FAM151B: variants seen among roughly 807,000 people sequenced by gnomAD.
FAM151B encodes the protein protein FAM151B.
FAM151B carries 24 observed loss-of-function variants against 31.2 expected under a neutral mutation model. That is an observed-to-expected ratio of 0.77 (90% CI 0.56 to 1.08). FAM151B has a LOEUF of 1.08. Among genes scored for constraint, FAM151B ranks in the 50% least tolerant of loss-of-function variants. The pLI is 0.00. For missense variants in FAM151B, 293 were observed against 328.6 expected (o/e 0.89, Z 0.84); for synonymous variants, 105 against 111.4 (o/e 0.94, Z 0.36).
At chr5:80,528,652 G>GA (rs549972215) in intron 5 of FAM151B, among the ~76,000 whole-genome samples, 252 of 152,072 alleles carry the variant, frequency 1.7e-3, no homozygotes, top group Middle Eastern at 3.4e-3. Flanking sequence ...AGCTGCTTGG[G>GA]AGGCTGAGGT....
At chr5:80,494,025 T>A (rs13154552) in intron 1 of FAM151B, among the ~76,000 whole-genome samples, 1 of 152,248 alleles carries the variant, frequency 6.6e-6, no homozygotes, top group Non-Finnish European at 1.5e-5. Flanking sequence ...TCTCTCTTTG[T>A]ACTCTTTCTC....
At chr5:80,504,679 C>A (rs1184651596) in intron 2 of FAM151B, among the ~76,000 whole-genome samples, 1 of 151,832 alleles carries the variant, frequency 6.6e-6, no homozygotes, top group Non-Finnish European at 1.5e-5. Context: ...GCCACCATGC[C>A]CAGCTAATTT....
chr5:80,496,799 ATTTTTTTTTTTTT>A (rs367658683), intron 1 of FAM151B, among the ~76,000 whole-genome samples: 10 of 57,762 alleles, frequency 1.7e-4, no homozygotes, highest in East Asian at 1.3e-3. Context: ...TTTTTGCTTA[ATTTTTTTTTTTTT>A]TTTTTTTTTT....
intron 1 of FAM151B, among the ~76,000 whole-genome samples, chr5:80,489,338 C>T (rs1354006139): frequency 6.6e-6 from 1 of 152,076 alleles, no homozygotes; most frequent in African/African-American, 2.4e-5. Flanking sequence ...ACTTTTTTCT[C>T]TCTCTCTTTT....
At chr5:80,505,918 G>A (rs771353732) in intron 2 of FAM151B, 18 of 177,426 alleles carry the variant, frequency 1.0e-4, no homozygotes, top group South Asian at 3.8e-4. Flanking sequence ...CACCACACCC[G>A]GCTAATTTTT....
At chr5:80,495,606 G>A (rs1017321683) in intron 1 of FAM151B, among the ~76,000 whole-genome samples, 15 of 152,070 alleles carry the variant, frequency 9.9e-5, no homozygotes, top group Admixed American at 2.0e-4. Context: ...TGAGGCAGGC[G>A]GATCATGAGG....
chr5:80,534,605 C>A (rs1340414791), intron 5 of FAM151B, among the ~76,000 whole-genome samples: 1 of 152,148 alleles, frequency 6.6e-6, no homozygotes, highest in Non-Finnish European at 1.5e-5. Context: ...AAGGAGCATG[C>A]CTCAACGTAA....
At chr5:80,504,754 C>G (rs1054620916) in intron 2 of FAM151B, among the ~76,000 whole-genome samples, 4 of 152,000 alleles carry the variant, frequency 2.6e-5, no homozygotes, top group Admixed American at 1.3e-4. Flanking sequence ...TCCTGATCTC[C>G]TGATCTGCCC....
At chr5:80,514,814 A>G (rs920021379) in intron 3 of FAM151B, among the ~76,000 whole-genome samples, 3 of 152,178 alleles carry the variant, frequency 2.0e-5, no homozygotes, top group African/African-American at 7.2e-5. Context: ...GACTCTAACC[A>G]TTTGTTATGG....
In FAM151B at chr5:80,527,988, T is replaced by C. The variant is rs528947507; in HGVS notation, c.671+5850T>C. Among the ~76,000 whole-genome samples, 5 of 152,330 alleles carry C rather than the reference T, an allele frequency of 3.3e-5. No homozygotes were observed. In the East Asian group the frequency reaches 9.6e-4, roughly 29 times the overall value. On this transcript the variant is annotated intron_variant, in intron 5 of 5. Transcript: ENST00000282226. ...GCTGTACAAAAATATTTCCTTTCTT[T>C]ATATCCTATTCTATAAGCTTTTTTC...
intron 5 of FAM151B, among the ~76,000 whole-genome samples, chr5:80,538,518 T>G (rs1745698931): frequency 2.7e-5 from 1 of 36,388 alleles, no homozygotes; most frequent in Non-Finnish European, 4.9e-5. Flanking sequence ...CTTTCTTTCC[T>G]TCCTTCCTTC....
At chr5:80,495,031 T>A (rs934596847) in intron 1 of FAM151B, 1 of 152,246 alleles carries the variant, frequency 6.6e-6, no homozygotes, top group Non-Finnish European at 1.5e-5. Flanking sequence ...ATGCTACATC[T>A]ACTTCTCTGC....
At chr5:80,505,641 G>T (rs893113297) in intron 2 of FAM151B, among the ~76,000 whole-genome samples, 1 of 151,260 alleles carries the variant, frequency 6.6e-6, no homozygotes, top group African/African-American at 2.4e-5. Flanking sequence ...TGATCTGCCC[G>T]CCTCGGCCTC....
At chr5:80,508,311 C>T (rs249007) in intron 2 of FAM151B, among the ~76,000 whole-genome samples, 61,596 of 152,004 alleles carry the variant, frequency 0.41, 14,010 homozygotes, top group African/African-American at 0.63. Flanking sequence ...TCCTGGGTCA[C>T]ATGGTAACTA....
At chr5:80,511,252 A>G (rs1307638623) in intron 2 of FAM151B, among the ~76,000 whole-genome samples, 2 of 151,994 alleles carry the variant, frequency 1.3e-5, no homozygotes, top group Admixed American at 1.3e-4. Flanking sequence ...TGAGAGAATC[A>G]TTTGAGTCCA....
At chr5:80,530,438 G>T (rs1167912418) in intron 5 of FAM151B, among the ~76,000 whole-genome samples, 1 of 152,150 alleles carries the variant, frequency 6.6e-6, no homozygotes, top group Non-Finnish European at 1.5e-5. Context: ...AAAAGAGGAA[G>T]TCAAATTGTC....
intron 1 of FAM151B, among the ~76,000 whole-genome samples, chr5:80,490,024 A>ACACACACACACACG (rs1163549900): frequency 6.8e-6 from 1 of 147,436 alleles, no homozygotes. Context: ...CCCCTTACAC[A>ACACACACACACACG]CACACACACA....
chr5:80,525,973 T>C (rs1221569449), intron 5 of FAM151B, among the ~76,000 whole-genome samples: 1 of 152,098 alleles, frequency 6.6e-6, no homozygotes, highest in African/African-American at 2.4e-5. Context: ...TGTGTATATA[T>C]ATATAAAATG....
chr5:80,522,264 T>A lies in FAM151B; in HGVS notation c.671+126T>A, dbSNP rs530587381. On this transcript the variant is annotated intron_variant, in intron 5 of 5. Coordinates refer to ENST00000282226, the MANE Select transcript of FAM151B (RefSeq NM_205548.3). ...AGGTAGACAGAAAAGGAATGAAAAC[T>A]GATGATATAAGCGCACAGACTCCCT... The A allele has an allele frequency of 8.8e-6, 9 of 1,019,996 alleles. No homozygotes were observed. In the East Asian group the frequency reaches 1.7e-4, roughly 20 times the overall value. The allele number at this position is 1,019,996 out of a possible 1,614,324, so 63.2% of individuals were successfully genotyped here. A position where few individuals can be genotyped will look rare whatever the true frequency, so the allele number is the denominator to read the frequency against.
Sources: gnomAD v4.1 joint callset for allele counts (sites outside exome capture counted in the v4.1 genomes callset) on GRCh38, gnomAD v4.1.1 for gene constraint, MANE v1.5 for transcripts, NCBI Gene and HGNC (gene_info 2026-07-23, HGNC 2026-07-21) for gene names.